LRFN2: variants seen among roughly 807,000 people sequenced by gnomAD.
The protein encoded by LRFN2 is leucine rich repeat and fibronectin type III domain containing 2.
A neutral mutation model predicts 37.3 loss-of-function variants in LRFN2; 18 were observed. The observed-to-expected ratio is 0.48, with a 90% CI of 0.33 to 0.72. The LOEUF (loss-of-function observed/expected upper bound fraction) is 0.72. Ranked by LOEUF, LRFN2 falls within the 30% of genes least tolerant of loss-of-function variation. The pLI is 0.02. For synonymous variants in LRFN2, 556 were observed against 466.6 expected (o/e 1.19, Z -2.47); for missense variants, 1,006 against 1,060.7 (o/e 0.95, Z 0.72).
At chr6:40,551,731 T>C (rs879920765) in intron 1 of LRFN2, among the ~76,000 whole-genome samples, 4 of 152,168 alleles carry the variant, frequency 2.6e-5, no homozygotes, top group Non-Finnish European at 5.9e-5. Flanking sequence ...GATGCTAAGA[T>C]CATACACTAG....
At chr6:40,575,348 G>A (rs1767259612) in intron 1 of LRFN2, among the ~76,000 whole-genome samples, 1 of 150,624 alleles carries the variant, frequency 6.6e-6, no homozygotes, top group African/African-American at 2.4e-5. Flanking sequence ...AAAGGGCAAG[G>A]GAACACACAA....
chr6:40,551,093 T>C (rs1561904549), intron 1 of LRFN2, among the ~76,000 whole-genome samples: 1 of 152,080 alleles, frequency 6.6e-6, no homozygotes, highest in Non-Finnish European at 1.5e-5. Flanking sequence ...TTCATGACAC[T>C]AGGCTAATCA....
chr6:40,508,862 C>A (rs1007648961), intron 1 of LRFN2, among the ~76,000 whole-genome samples: 1 of 152,178 alleles, frequency 6.6e-6, no homozygotes, highest in Non-Finnish European at 1.5e-5. Context: ...TGCTAACGAC[C>A]ACATCATGAT....
intron 1 of LRFN2, among the ~76,000 whole-genome samples, chr6:40,464,436 T>C (rs944073629): frequency 6.6e-6 from 1 of 152,154 alleles, no homozygotes; most frequent in African/African-American, 2.4e-5. Context: ...GATAAAAGAA[T>C]TAGTTGTCCA....
chr6:40,497,816 C>T (rs537356451), intron 1 of LRFN2, among the ~76,000 whole-genome samples: 1 of 152,224 alleles, frequency 6.6e-6, no homozygotes, highest in East Asian at 1.9e-4. Flanking sequence ...CCCCAGGAAG[C>T]AAGGATGATC....
chr6:40,445,294 C>T (rs4236068), intron 1 of LRFN2, among the ~76,000 whole-genome samples: 134,346 of 152,296 alleles, frequency 0.88, 59,406 homozygotes, highest in East Asian at 0.92. Flanking sequence ...AAATTGAAGC[C>T]GAGGAAGCTT....
intron 1 of LRFN2, among the ~76,000 whole-genome samples, chr6:40,451,148 T>C (rs1764095106): frequency 6.6e-6 from 1 of 152,206 alleles, no homozygotes; most frequent in Non-Finnish European, 1.5e-5. Context: ...TGGGGGGATT[T>C]CTTTGGTCTG....
intron 1 of LRFN2, among the ~76,000 whole-genome samples, chr6:40,437,462 T>G (rs1763712769): frequency 6.6e-6 from 1 of 152,186 alleles, no homozygotes; most frequent in South Asian, 2.1e-4. Flanking sequence ...AACAGTTGTG[T>G]CCTTGTAAAT....
intron 1 of LRFN2, among the ~76,000 whole-genome samples, chr6:40,492,850 G>A (rs988299959): frequency 6.6e-6 from 1 of 152,130 alleles, no homozygotes; most frequent in African/African-American, 2.4e-5. Context: ...CTCCCAATTC[G>A]CTGCCCAGCA....
intron 1 of LRFN2, among the ~76,000 whole-genome samples, chr6:40,538,215 G>T (rs947192632): frequency 1.2e-4 from 18 of 152,320 alleles, no homozygotes; most frequent in African/African-American, 4.3e-4. Context: ...CAGGAAGTGA[G>T]GGGGCTACCT....
intron 1 of LRFN2, among the ~76,000 whole-genome samples, chr6:40,483,739 C>A (rs1372081062): frequency 2.0e-5 from 3 of 152,198 alleles, no homozygotes; most frequent in Non-Finnish European, 4.4e-5. Context: ...GATTACCTGG[C>A]AGCTTCCAGA....
At chr6:40,486,541 A>G (rs1370152587) in intron 1 of LRFN2, among the ~76,000 whole-genome samples, 2 of 152,046 alleles carry the variant, frequency 1.3e-5, no homozygotes, top group African/African-American at 2.4e-5. Context: ...GTGCCTGGGT[A>G]AGGAATGGGT....
chr6:40,394,906 C>T (rs912317951), intron 2 of LRFN2, among the ~76,000 whole-genome samples: 4 of 151,926 alleles, frequency 2.6e-5, no homozygotes, highest in Non-Finnish European at 5.9e-5. Context: ...GATTGTGAGG[C>T]CTCCCCAGCC....
At chr6:40,488,783 GCCT>G (rs1765025408) in intron 1 of LRFN2, among the ~76,000 whole-genome samples, 1 of 152,140 alleles carries the variant, frequency 6.6e-6, no homozygotes, top group Non-Finnish European at 1.5e-5. Flanking sequence ...AGGAATTTCT[GCCT>G]CCTCTGCCTC....
At chr6:40,448,312 A>T (rs1253115893) in intron 1 of LRFN2, among the ~76,000 whole-genome samples, 1 of 152,196 alleles carries the variant, frequency 6.6e-6, no homozygotes, top group South Asian at 2.1e-4. Flanking sequence ...CCCATCAAGC[A>T]CGTGCTCCCC....
At chr6:40,557,117 C>T (rs7738697) in intron 1 of LRFN2, among the ~76,000 whole-genome samples, 72,071 of 151,904 alleles carry the variant, frequency 0.47, 18,138 homozygotes, top group African/African-American at 0.64. Context: ...TTGTGCAGGC[C>T]TCTAAGCCTT....
At chr6:40,545,211 C>A (rs1766635128) in intron 1 of LRFN2, among the ~76,000 whole-genome samples, 1 of 152,158 alleles carries the variant, frequency 6.6e-6, no homozygotes, top group Admixed American at 6.5e-5. Context: ...GGAAACTGAC[C>A]AGATAGCAAG....
intron 1 of LRFN2, among the ~76,000 whole-genome samples, chr6:40,493,211 A>G (rs1162195119): frequency 6.6e-6 from 1 of 151,946 alleles, no homozygotes; most frequent in Non-Finnish European, 1.5e-5. Flanking sequence ...GTCCCTCTAT[A>G]GATGCCCCCT....
intron 1 of LRFN2, among the ~76,000 whole-genome samples, chr6:40,483,812 C>T (rs1328059507): frequency 6.6e-6 from 1 of 152,162 alleles, no homozygotes; most frequent in African/African-American, 2.4e-5. Flanking sequence ...GAGACAGGTT[C>T]TGACATTATA....
Sources: gnomAD v4.1 joint callset for allele counts (sites outside exome capture counted in the v4.1 genomes callset) on GRCh38, gnomAD v4.1.1 for gene constraint, MANE v1.5 for transcripts, NCBI Gene and HGNC (gene_info 2026-07-23, HGNC 2026-07-21) for gene names.